The following YJU2B variants were observed in gnomAD, a reference collection of about 807,000 sequenced individuals.
The protein encoded by YJU2B is probable splicing factor YJU2B.
YJU2B carries 18 observed loss-of-function variants against 38.0 expected under a neutral mutation model. That is an observed-to-expected ratio of 0.47 (90% CI 0.33 to 0.70). The LOEUF is 0.70. Among genes scored for constraint, YJU2B ranks in the 30% least tolerant of loss-of-function variants. YJU2B has a pLI of 0.02. For synonymous variants in YJU2B, 246 were observed against 225.4 expected (o/e 1.09, Z -0.82); for missense variants, 538 against 556.3 (o/e 0.97, Z 0.33).
chr19:13,757,357 G>A (rs75450630), intron 4 of YJU2B, 61 bp from the exon 5 acceptor site: 28,982 of 1,454,314 alleles, frequency 0.02, 414 homozygotes, highest in Non-Finnish European at 0.022. Flanking sequence ...AGTCGCAGGT[G>A]TGGAGACCCA....
In YJU2B at chr19:13,737,812, G is replaced by C. The variant is rs551319688; in HGVS notation, c.-202+5527G>C. ...AAAATAAATAAATAAATTTAAGTTA[G>C]CCAGATGTAGCTGGTTAGTCTCCTA... On this transcript the variant is annotated intron_variant, in intron 2 of 10. Coordinates refer to the YJU2B transcript ENST00000586600. Among the ~76,000 whole-genome samples the C allele has an allele frequency of 2.2e-4, 33 of 151,588 alleles. No homozygotes were observed. In the South Asian group the frequency reaches 6.1e-3, roughly 28 times the overall value.
At chr19:13,738,295 A>G (rs1190626483) in intron 2 of YJU2B, among the ~76,000 whole-genome samples, 1 of 152,224 alleles carries the variant, frequency 6.6e-6, no homozygotes. Flanking sequence ...GACATCATCC[A>G]TCATTATGGC....
At chr19:13,740,766 A>G (rs947237850) in intron 2 of YJU2B, among the ~76,000 whole-genome samples, 8 of 152,130 alleles carry the variant, frequency 5.3e-5, no homozygotes, top group Admixed American at 3.9e-4. Flanking sequence ...TGAACTCCTG[A>G]CCTCGCGATC....
chr19:13,746,919 G>A (rs1197894205), upstream of YJU2B, among the ~76,000 whole-genome samples: 1 of 151,560 alleles, frequency 6.6e-6, no homozygotes, highest in East Asian at 1.9e-4. Context: ...AAAAAAAAAA[G>A]TATCAAAGAA....
intron 3 of YJU2B, among the ~76,000 whole-genome samples, chr19:13,755,961 AAAAT>A (rs953030865): frequency 5.9e-5 from 9 of 152,246 alleles, no homozygotes; most frequent in South Asian, 4.1e-4. Context: ...TCCATCTCAA[AAAAT>A]AAATAAATAA....
At chr19:13,748,641 T>G (rs1973340852) in intron 1 of YJU2B, among the ~76,000 whole-genome samples, 1 of 152,126 alleles carries the variant, frequency 6.6e-6, no homozygotes, top group Non-Finnish European at 1.5e-5. Flanking sequence ...GGTTAGTTGA[T>G]TCACAGCATC....
chr19:13,746,261 AG>A (rs1278465572), upstream of YJU2B, among the ~76,000 whole-genome samples: 2 of 152,106 alleles, frequency 1.3e-5, no homozygotes, highest in African/African-American at 4.8e-5. Flanking sequence ...AAAAAAAAAA[AG>A]TAAATTCAAA....
chr19:13,761,725 A>AT (rs1973894350), intron 8 of YJU2B, among the ~76,000 whole-genome samples: 5 of 124,468 alleles, frequency 4.0e-5, no homozygotes, highest in African/African-American at 1.2e-4. Flanking sequence ...TACAAAAAAA[A>AT]ATTTTTTTTT....
At chr19:13,736,943 C>T (rs1369120792) in intron 2 of YJU2B, among the ~76,000 whole-genome samples, 1 of 148,524 alleles carries the variant, frequency 6.7e-6, no homozygotes, top group Non-Finnish European at 1.5e-5. Flanking sequence ...AGGAGAATGG[C>T]TTGAACCCAG....
upstream of YJU2B, among the ~76,000 whole-genome samples, chr19:13,746,768 G>A (rs746994897): frequency 3.3e-5 from 5 of 152,052 alleles, no homozygotes; most frequent in African/African-American, 4.8e-5. Context: ...ATAGCCGGGC[G>A]TGGTGGAAGG....
intron 2 of YJU2B, among the ~76,000 whole-genome samples, chr19:13,734,844 A>G (rs1176732374): frequency 6.6e-6 from 1 of 152,168 alleles, no homozygotes; most frequent in East Asian, 1.9e-4. Flanking sequence ...CTGGGGCTCA[A>G]GTGATCCTCC....
rs367784673 is a variant in YJU2B at position 13,759,073 on chromosome 19, A to C, written c.401-27A>C. On this transcript the variant is annotated intron_variant, in intron 7 of 9. Transcript: ENST00000221554. ...CCTGAGTCTGCGCTGGGGCCCCCAAAGCCCAGCCGAGCTCTGATCGTTGCA... is the reference window on the plus strand; with the variant it reads ...CCTGAGTCTGCGCTGGGGCCCCCAACGCCCAGCCGAGCTCTGATCGTTGCA... 2.0e-5 allele frequency: 32 copies of C among 1,612,694 alleles called. 1 individual carries two copies. In the South Asian group the frequency reaches 3.5e-4, roughly 18 times the overall value.
rs1291151271 is a variant in YJU2B at position 13,757,863 on chromosome 19, G to T, written c.257+17G>T. 1 of 1,612,240 alleles carries T rather than the reference G, an allele frequency of 6.2e-7. No homozygotes were observed. The highest frequency in any genetic ancestry group is 8.5e-7 in the Non-Finnish European group (1 of 1,178,512). On this transcript the variant is annotated intron_variant, in intron 6 of 9. Coordinates refer to ENST00000221554, the MANE Select transcript of YJU2B (RefSeq NM_030818.4). Reference sequence around the variant, plus strand: ...GATCTACAGGTAAGGGCGGCTTGGTGGCATCTTGGGAACAGGTGGGGTGGC... The same window carrying T: ...GATCTACAGGTAAGGGCGGCTTGGTTGCATCTTGGGAACAGGTGGGGTGGC...
chr19:13,756,474 A>T (rs936505916), intron 4 of YJU2B, among the ~76,000 whole-genome samples, 195 bp downstream of exon 4: 1 of 152,176 alleles, frequency 6.6e-6, no homozygotes, highest in African/African-American at 2.4e-5. Flanking sequence ...CAGCTCAGCA[A>T]AATATCTCTG....
intron 8 of YJU2B, among the ~76,000 whole-genome samples, chr19:13,760,109 T>G (rs973115778): frequency 1.3e-5 from 2 of 152,022 alleles, no homozygotes; most frequent in Admixed American, 1.3e-4. Flanking sequence ...GTATTTTTAG[T>G]AGAGGCGGGG....
At chr19:13,756,820 G>GA (rs1166440840) in intron 4 of YJU2B, among the ~76,000 whole-genome samples, 2 of 151,706 alleles carry the variant, frequency 1.3e-5, no homozygotes, top group Admixed American at 6.6e-5. Flanking sequence ...ACTGAAAATA[G>GA]AAAAAATTAG....
chr19:13,762,229 G>A (rs1973915261), intron 8 of YJU2B, 70 bp from the exon 9 acceptor site: 2 of 1,535,364 alleles, frequency 1.3e-6, no homozygotes, highest in Non-Finnish European at 1.8e-6. Flanking sequence ...TTGGAGCAGT[G>A]CCCCCTAGTA....
intron 2 of YJU2B, among the ~76,000 whole-genome samples, chr19:13,752,411 C>T (rs1353254130): frequency 6.6e-6 from 1 of 151,772 alleles, no homozygotes; most frequent in African/African-American, 2.4e-5. Flanking sequence ...AGTTTGAGAC[C>T]AGCCTGGCCA....
chr19:13,731,918 C>T (rs1445837850), exon 1 of YJU2B: 1 of 152,252 alleles, frequency 6.6e-6, no homozygotes, highest in African/African-American at 2.4e-5. Flanking sequence ...TGGAGAAGAC[C>T]ATCGCCTTCC....
Sources: gnomAD v4.1 joint callset for allele counts (sites outside exome capture counted in the v4.1 genomes callset) on GRCh38, gnomAD v4.1.1 for gene constraint, MANE v1.5 for transcripts, NCBI Gene and HGNC (gene_info 2026-07-23, HGNC 2026-07-21) for gene names.